The following ACO2 variants were observed in gnomAD, a reference collection of about 807,000 sequenced individuals.
ACO2 encodes aconitate hydratase, mitochondrial.
In ACO2, 31 loss-of-function variants were observed where a neutral mutation model predicts 84.5. The ratio of observed to expected loss-of-function variants is 0.37; its 90% confidence interval spans 0.28 to 0.50. The LOEUF (loss-of-function observed/expected upper bound fraction) is 0.50. Among genes scored for constraint, ACO2 ranks in the 20% least tolerant of loss-of-function variants. The probability of loss-of-function intolerance (pLI) is 0.97; values close to 1 mark genes in which losing one functional copy is unlikely to be tolerated. For missense variants in ACO2, 685 were observed against 1,029.3 expected (o/e 0.67, Z 4.58); for synonymous variants, 414 against 412.7 (o/e 1.00, Z -0.04).
chr22:41,515,799 C>T lies in ACO2; in HGVS notation c.717C>T (p.Ser239=), dbSNP rs138803847. 1.3e-5 allele frequency: 21 copies of T among 1,613,938 alleles called. No individual in the cohort carries two copies. The highest frequency in any genetic ancestry group is 4.5e-5 in the East Asian group (2 of 44,898). ...GCGTGAAGCTGACGGGCTCTCTCTCCGGTTGGTCCTCACCCAAAGATGTGA... is the reference window on the plus strand; with the variant it reads ...GCGTGAAGCTGACGGGCTCTCTCTCTGGTTGGTCCTCACCCAAAGATGTGA... The part of the protein sequence containing the change: ...VIGVKLTGSL[S]GWSSPKDVIL... Residue 239 remains serine, a synonymous_variant, in exon 6 of 18, where the codon TCC becomes TCT. Coordinates refer to ENST00000216254, the MANE Select transcript of ACO2 (RefSeq NM_001098.3). This position sits in a 1 kb window ranked among gnomAD's most constrained non-coding sequence, Gnocchi z 5.8.
intron 3 of ACO2, among the ~76,000 whole-genome samples, chr22:41,510,184 G>C (rs2066423922): frequency 1.3e-5 from 2 of 152,136 alleles, no homozygotes; most frequent in South Asian, 4.1e-4. Flanking sequence ...CCTCTGGCTA[G>C]GGCTCAGAGG....
At chr22:41,527,607 C>G in intron 16 of ACO2, 187 bp downstream of exon 16, 1 of 893,444 alleles carries the variant, frequency 1.1e-6, no homozygotes, top group Non-Finnish European at 1.7e-6. Context: ...CGGCTTCCCG[C>G]AGGCCCTGCT....
At chr22:41,504,891 T>C (rs1387474164) in intron 2 of ACO2, among the ~76,000 whole-genome samples, 1 of 151,826 alleles carries the variant, frequency 6.6e-6, no homozygotes, top group Non-Finnish European at 1.5e-5. Flanking sequence ...GCCTGGCTTC[T>C]TTTTATGTTT....
chr22:41,520,859 T>C (rs554158472), intron 9 of ACO2, among the ~76,000 whole-genome samples: 4 of 139,074 alleles, frequency 2.9e-5, no homozygotes, highest in Admixed American at 7.1e-5. Flanking sequence ...AAAAAAAAAA[T>C]TGGCCAGGTG....
At chr22:41,477,768 TA>T (rs1175944335) in intron 1 of ACO2, among the ~76,000 whole-genome samples, 1 of 151,864 alleles carries the variant, frequency 6.6e-6, no homozygotes, top group East Asian at 1.9e-4. Flanking sequence ...CTCATACGTT[TA>T]AAAAAGACCA....
At chr22:41,496,035 G>C (rs1174375829) in intron 1 of ACO2, among the ~76,000 whole-genome samples, 1 of 152,102 alleles carries the variant, frequency 6.6e-6, no homozygotes, top group Non-Finnish European at 1.5e-5. Context: ...TTGCAGGCCA[G>C]GTGTGGTGGC....
At chr22:41,478,784 T>TTTTTGG (rs2038051245) in intron 1 of ACO2, among the ~76,000 whole-genome samples, 1 of 148,326 alleles carries the variant, frequency 6.7e-6, no homozygotes, top group African/African-American at 2.6e-5. Flanking sequence ...TTTTTTTTTT[T>TTTTTGG]GAGAAGGAGT....
intron 1 of ACO2, among the ~76,000 whole-genome samples, chr22:41,471,247 G>C (rs932403238): frequency 6.6e-6 from 1 of 152,190 alleles, no homozygotes; most frequent in Non-Finnish European, 1.5e-5. Context: ...GAGAGCCTGG[G>C]TGACTTCCAG....
At chr22:41,494,838 A>G (rs950545305) in intron 1 of ACO2, among the ~76,000 whole-genome samples, 60 of 151,622 alleles carry the variant, frequency 4.0e-4, no homozygotes, top group African/African-American at 1.3e-3. Context: ...GGTTCAAGCA[A>G]TTCTCCTGCC....
intron 2 of ACO2, 77 bp from the exon 3 acceptor site, chr22:41,507,714 G>A (rs1456497373): frequency 6.5e-7 from 1 of 1,547,474 alleles, no homozygotes; most frequent in Non-Finnish European, 8.7e-7. Flanking sequence ...GTTGCCACAT[G>A]GACTGAGAGG....
chr22:41,505,106 G>T (rs1455591627), intron 2 of ACO2, among the ~76,000 whole-genome samples: 8 of 151,954 alleles, frequency 5.3e-5, no homozygotes, highest in Non-Finnish European at 8.8e-5. Context: ...ATCTCACTAT[G>T]CATATTGATG....
At chr22:41,509,527 A>C (rs960278142) in intron 3 of ACO2, among the ~76,000 whole-genome samples, 1 of 152,102 alleles carries the variant, frequency 6.6e-6, no homozygotes, top group African/African-American at 2.4e-5. Context: ...GGGGAAAGAG[A>C]GAGCTTCTTT....
chr22:41,472,364 A>G lies in ACO2; in HGVS notation c.36+3182A>G. Among the ~76,000 whole-genome samples, 2 of 152,092 alleles carry G rather than the reference A, an allele frequency of 1.3e-5. 1 individual carries two copies. The highest frequency in any genetic ancestry group is 3.9e-4 in the East Asian group (2 of 5,192). On this transcript the variant is annotated intron_variant, in intron 1 of 17. Transcript: ENST00000216254. The stretch of plus-strand genomic sequence containing the variant: ...TGAGACTCCGTCTCAAAAAAAAAAA[A>G]AAAAAATTGCCTGGGGCTTTATCAG...
intron 15 of ACO2, 74 bp downstream of exon 15, chr22:41,526,527 A>G: frequency 2.0e-6 from 3 of 1,502,544 alleles, no homozygotes; most frequent in Non-Finnish European, 2.7e-6. Flanking sequence ...CAGGGAGGAC[A>G]TTAGGGGAGT....
chr22:41,469,687 A>G (rs1429893835), intron 1 of ACO2, among the ~76,000 whole-genome samples: 2 of 152,112 alleles, frequency 1.3e-5, no homozygotes, highest in African/African-American at 4.8e-5. Context: ...CGGAACGTGG[A>G]ATGTCGGGGA....
intron 1 of ACO2, among the ~76,000 whole-genome samples, chr22:41,490,507 T>C (rs1422199309): frequency 6.6e-6 from 1 of 152,186 alleles, no homozygotes; most frequent in Non-Finnish European, 1.5e-5. Context: ...ATCAGTGCCC[T>C]GTGTATGGAC....
At chr22:41,482,460 CAG>C (rs1438295067) in intron 1 of ACO2, among the ~76,000 whole-genome samples, 5 of 152,230 alleles carry the variant, frequency 3.3e-5, no homozygotes, top group Non-Finnish European at 2.9e-5. Flanking sequence ...AAGAGTCACA[CAG>C]AGATGTGTGG....
At chr22:41,512,859 A>T (rs573101522) in intron 4 of ACO2, among the ~76,000 whole-genome samples, 2 of 152,236 alleles carry the variant, frequency 1.3e-5, no homozygotes, top group South Asian at 4.1e-4. Context: ...GTTTGTGTCC[A>T]TTTACATCCA....
chr22:41,494,018 C>T (rs1171183842), intron 1 of ACO2, among the ~76,000 whole-genome samples: 1 of 152,212 alleles, frequency 6.6e-6, no homozygotes, highest in East Asian at 1.9e-4. Flanking sequence ...GAGATCACAC[C>T]AGACAGCACA....
Sources: gnomAD v4.1 joint callset for allele counts (sites outside exome capture counted in the v4.1 genomes callset) on GRCh38, gnomAD v4.1.1 for gene constraint, Gnocchi (gnomAD v3.1) non-coding constraint, MANE v1.5 for transcripts, NCBI Gene and HGNC (gene_info 2026-07-23, HGNC 2026-07-21) for gene names.